The following ZFHX3 variants were observed in gnomAD, a reference collection of about 807,000 sequenced individuals.
ZFHX3 encodes zinc finger homeobox 3.
Under a neutral mutation model 279.1 loss-of-function variants are expected in ZFHX3, and 42 were observed. That is an observed-to-expected ratio of 0.15 (90% CI 0.12 to 0.19). The LOEUF (loss-of-function observed/expected upper bound fraction) is 0.19. Among genes scored for constraint, ZFHX3 ranks in the 10% least tolerant of loss-of-function variants. ZFHX3 has a pLI of 1.00. For synonymous variants in ZFHX3, 2,293 were observed against 1,957.8 expected, an observed-to-expected ratio of 1.17 and a Z score of -4.52; for missense variants, 4,981 against 4,754.0, an observed-to-expected ratio of 1.05 and a Z score of -1.40.
At chr16:72,877,874 C>T (rs142821390) in intron 4 of ZFHX3, among the ~76,000 whole-genome samples, 136 of 152,294 alleles carry the variant, frequency 8.9e-4, no homozygotes, top group African/African-American at 2.3e-3. Flanking sequence ...CTGGGGGCCA[C>T]GGGTTGAGTG....
At chr16:73,474,528 G>C (rs2018731616) in intron 2 of ZFHX3, among the ~76,000 whole-genome samples, 1 of 152,170 alleles carries the variant, frequency 6.6e-6, no homozygotes, top group Non-Finnish European at 1.5e-5. Flanking sequence ...AGGTGAACTA[G>C]CATTCCCAGA....
At chr16:73,770,114 C>T (rs1285019706) in intron 1 of ZFHX3, among the ~76,000 whole-genome samples, 2 of 152,194 alleles carry the variant, frequency 1.3e-5, no homozygotes, top group African/African-American at 4.8e-5. Context: ...ATTGAGCTTG[C>T]TAATCAGATG....
intron 4 of ZFHX3, among the ~76,000 whole-genome samples, chr16:72,885,807 C>T (rs1319110353): frequency 6.6e-6 from 1 of 152,124 alleles, no homozygotes; most frequent in African/African-American, 2.4e-5. Flanking sequence ...TGACAGAAAG[C>T]CAGAACTTCC....
Position 72,786,871 on chromosome 16 carries a change from T to C in ZFHX3, c.*293A>G, listed in dbSNP as rs569545499. The C allele has an allele frequency of 1.1e-4, 20 of 182,864 alleles. 2 individuals are homozygous for C. In the East Asian group the frequency reaches 2.1e-3, roughly 19 times the overall value. 11.3% of individuals were successfully genotyped at this position (182,864 alleles called of 1,614,324 possible). A position where few individuals can be genotyped will look rare whatever the true frequency, so the allele number is the denominator to read the frequency against. On this transcript the variant is annotated 3_prime_UTR_variant, in exon 10 of 10. Coordinates refer to ENST00000268489, the MANE Select transcript of ZFHX3 (RefSeq NM_006885.4). ...AGCTCCAAAGACATTAGGGAGGCCC[T>C]GCGGACTTCTGTTTCCCAGACCAAT...
chr16:73,746,833 C>T (rs899558820), intron 1 of ZFHX3, among the ~76,000 whole-genome samples: 1 of 152,188 alleles, frequency 6.6e-6, no homozygotes, highest in Non-Finnish European at 1.5e-5. Context: ...TACCCAGAGT[C>T]TAAACTTTCC....
intron 6 of ZFHX3, among the ~76,000 whole-genome samples, chr16:73,140,125 G>A (rs1662278204): frequency 1.3e-5 from 2 of 151,974 alleles, no homozygotes; most frequent in African/African-American, 2.4e-5. Flanking sequence ...AAATTAGCTG[G>A]GCATGGTGGG....
chr16:72,902,960 G>C (rs977119828), intron 3 of ZFHX3, among the ~76,000 whole-genome samples: 1 of 152,184 alleles, frequency 6.6e-6, no homozygotes, highest in African/African-American at 2.4e-5. Flanking sequence ...TCTTGGTCTT[G>C]AGAATGGTTA....
intron 5 of ZFHX3, among the ~76,000 whole-genome samples, chr16:73,167,546 GA>G (rs1485183383): frequency 2.0e-5 from 3 of 151,838 alleles, no homozygotes; most frequent in South Asian, 2.1e-4. Flanking sequence ...CTGTGAAATA[GA>G]AAAAAAATAA....
chr16:73,579,296 A>G (rs1466597256), intron 2 of ZFHX3, among the ~76,000 whole-genome samples: 1 of 152,064 alleles, frequency 6.6e-6, no homozygotes, highest in Non-Finnish European at 1.5e-5. Flanking sequence ...ATGTCTCTTT[A>G]AGATGTATAA....
At chr16:73,454,630 C>T (rs1402621192) in intron 3 of ZFHX3, among the ~76,000 whole-genome samples, 1 of 150,702 alleles carries the variant, frequency 6.6e-6, no homozygotes, top group Non-Finnish European at 1.5e-5. Flanking sequence ...TTTCTATTCA[C>T]TCCCCAGTCC....
rs147551908 is a variant in ZFHX3 at position 73,677,393 on chromosome 16, T to C, written c.-1547+2787A>G. 1.2e-4 allele frequency among the ~76,000 whole-genome samples: 18 copies of C among 151,976 alleles called. No individual in the cohort carries two copies. In the East Asian group the frequency reaches 3.5e-3, roughly 29 times the overall value. ...TATGATGCAGCTAAGCTAAAAATCATAGCAAAGTTCATAGTTTTAAATATT... is the reference window on the plus strand; with the variant it reads ...TATGATGCAGCTAAGCTAAAAATCACAGCAAAGTTCATAGTTTTAAATATT... On this transcript the variant is annotated intron_variant, in intron 2 of 17. Transcript: ENST00000641206.
At chr16:73,242,846 G>C (rs757258924) in intron 5 of ZFHX3, among the ~76,000 whole-genome samples, 1 of 152,196 alleles carries the variant, frequency 6.6e-6, no homozygotes, top group African/African-American at 2.4e-5. Context: ...TCAGTGTGGA[G>C]GTGTGGGGTA....
At chr16:73,422,581 G>A (rs137933372) in intron 3 of ZFHX3, among the ~76,000 whole-genome samples, 125 of 152,260 alleles carry the variant, frequency 8.2e-4, no homozygotes, top group South Asian at 4.4e-3. Flanking sequence ...ACTTCCCAGA[G>A]GTCAGTGGCC....
In ZFHX3 at chr16:73,764,899, A is replaced by G. The variant is rs557500390; in HGVS notation, c.-1607-84659T>C. Among the ~76,000 whole-genome samples, 8 of 152,250 alleles carry G rather than the reference A, an allele frequency of 5.3e-5. No homozygotes were observed. The East Asian group carries it at 1.4e-3, about 26-fold the overall frequency. ...TGGATTTGACAGGCAGCCAGATTTT[A>G]AATCTTCTGTTTTGTGTCCTCTAGA... On this transcript the variant is annotated intron_variant, in intron 1 of 17. Transcript: ENST00000641206.
chr16:73,302,606 A>T (rs774685341), intron 4 of ZFHX3, among the ~76,000 whole-genome samples: 13 of 152,234 alleles, frequency 8.5e-5, no homozygotes, highest in Non-Finnish European at 1.5e-4. Context: ...TGGCCTTGAT[A>T]ACCTCCAGTT....
At chr16:73,492,823 T>G (rs1453772193) in intron 2 of ZFHX3, among the ~76,000 whole-genome samples, 1 of 152,176 alleles carries the variant, frequency 6.6e-6, no homozygotes, top group Admixed American at 6.5e-5. Context: ...CCTTAAACCT[T>G]CAATAAACTG....
chr16:72,872,542 C>T (rs1263068121), intron 4 of ZFHX3, among the ~76,000 whole-genome samples: 1 of 152,168 alleles, frequency 6.6e-6, no homozygotes, highest in Non-Finnish European at 1.5e-5. Flanking sequence ...ACTGCAACCT[C>T]CGTCTCCCGG....
At chr16:73,761,597 T>A (rs1459191710) in intron 1 of ZFHX3, among the ~76,000 whole-genome samples, 4 of 152,084 alleles carry the variant, frequency 2.6e-5, no homozygotes, top group African/African-American at 9.7e-5. Context: ...TACAAGGCTA[T>A]AGTAATCAAA....
At chr16:73,739,055 G>A (rs2053631975) in intron 1 of ZFHX3, among the ~76,000 whole-genome samples, 1 of 152,164 alleles carries the variant, frequency 6.6e-6, no homozygotes, top group Admixed American at 6.5e-5. Context: ...CTCGGACAAG[G>A]AGCGGTCGAG....
Sources: gnomAD v4.1 joint callset for allele counts (sites outside exome capture counted in the v4.1 genomes callset) on GRCh38, gnomAD v4.1.1 for gene constraint, MANE v1.5 for transcripts, NCBI Gene and HGNC (gene_info 2026-07-23, HGNC 2026-07-21) for gene names.